PMP2: variants seen among roughly 807,000 people sequenced by gnomAD.
PMP2 encodes the protein myelin P2 protein.
Under a neutral mutation model 15.9 loss-of-function variants are expected in PMP2, and 11 were observed. The ratio of observed to expected loss-of-function variants is 0.69; its 90% CI spans 0.44 to 1.14. The LOEUF is 1.14. PMP2 is among the 50% of genes most tolerant of loss of function. The pLI is 0.00. For missense variants in PMP2, 151 were observed against 154.0 expected, an observed-to-expected ratio of 0.98 and a Z score of 0.10; for synonymous variants, 55 against 54.1, an observed-to-expected ratio of 1.02 and a Z score of -0.07.
intron 3 of PMP2, among the ~76,000 whole-genome samples, chr8:81,444,182 C>T (rs1054442014): frequency 6.6e-6 from 1 of 152,156 alleles, no homozygotes; most frequent in Non-Finnish European, 1.5e-5. Flanking sequence ...GAGTGTTTTG[C>T]TTTTAAAATT....
chr8:81,443,346 T>G lies in PMP2; in HGVS notation c.*52A>C. On this transcript the variant is annotated 3_prime_UTR_variant, in exon 4 of 4. Coordinates refer to ENST00000256103, the MANE Select transcript of PMP2 (RefSeq NM_002677.5). ...TATTCAGTTTTGTCAATGGAAGCAA[T>G]TGATTTCCATCATTAAATGATAAAA... 1 of 1,256,634 alleles carries G rather than the reference T, an allele frequency of 8.0e-7. No homozygotes were observed. Among genetic ancestry groups the G allele is most frequent in the South Asian group, 1.3e-5 (1 of 77,566 alleles). The allele number at this position is 1,256,634 out of a possible 1,614,324, so 77.8% of individuals were successfully genotyped here. A position where few individuals can be genotyped will look rare whatever the true frequency, so the allele number is the denominator to read the frequency against.
Position 81,440,738 on chromosome 8 carries a change from T to C in PMP2, c.*2660A>G, listed in dbSNP as rs548708940. 5.3e-5 allele frequency: 8 copies of C among 152,242 alleles called. No individual in the cohort carries two copies. The highest frequency in any genetic ancestry group is 1.2e-4 in the Non-Finnish European group (8 of 68,046). 9.4% of individuals were successfully genotyped at this position (152,242 alleles called of 1,614,324 possible). ...GTTAAATGTTACCTTATTTGCCTTA[T>C]CAATTGCTCTCTTTATGTATGTTTG... is the stretch of plus-strand genomic sequence containing the variant. On this transcript the variant is annotated 3_prime_UTR_variant, in exon 4 of 4. Coordinates refer to ENST00000256103, the MANE Select transcript of PMP2 (RefSeq NM_002677.5).
chr8:81,445,969 C>G (rs1807443056), intron 1 of PMP2, among the ~76,000 whole-genome samples: 2 of 151,212 alleles, frequency 1.3e-5, no homozygotes, highest in Admixed American at 1.3e-4. Flanking sequence ...CCATTATTAC[C>G]AAGACTATAA....
At chr8:81,444,627 A>T (rs753916388) in intron 2 of PMP2, 26 bp from the exon 3 acceptor site, 1 of 1,576,774 alleles carries the variant, frequency 6.3e-7, no homozygotes, top group South Asian at 1.1e-5. Flanking sequence ...CATGCAATTG[A>T]CTTGCCTGAA....
intron 1 of PMP2, 118 bp downstream of exon 1, chr8:81,447,196 G>A (rs1309854651): frequency 2.9e-6 from 2 of 697,034 alleles, no homozygotes; most frequent in Non-Finnish European, 5.3e-6. Context: ...TCCTAAAAGA[G>A]GATTGTACTG....
chr8:81,444,182 C>G (rs1054442014), intron 3 of PMP2, among the ~76,000 whole-genome samples: 1 of 152,156 alleles, frequency 6.6e-6, no homozygotes, highest in Non-Finnish European at 1.5e-5. Context: ...GAGTGTTTTG[C>G]TTTTAAAATT....
intron 2 of PMP2, 54 bp downstream of exon 2, chr8:81,444,763 C>T: frequency 6.6e-7 from 1 of 1,520,434 alleles, no homozygotes. Flanking sequence ...AGGAATATTC[C>T]TCTCTCTCAA....
Position 81,445,555 on chromosome 8 carries a change from C to T in PMP2, c.74-566G>A, listed in dbSNP as rs977753670. ...GCAGATTTTCAAGAGTAAAAGTTTC[C>T]AGCTGAAATAGCTACTGCAAGTCAT... On this transcript the variant is annotated intron_variant, in intron 1 of 3. Coordinates refer to ENST00000256103, the MANE Select transcript of PMP2 (RefSeq NM_002677.5). 7.9e-5 allele frequency among the ~76,000 whole-genome samples: 12 copies of T among 152,150 alleles called. No individual in the cohort carries two copies. The East Asian group carries it at 1.7e-3, about 22-fold the overall frequency.
intron 3 of PMP2, among the ~76,000 whole-genome samples, chr8:81,444,282 G>A (rs1807405339): frequency 6.6e-6 from 1 of 151,936 alleles, no homozygotes; most frequent in Admixed American, 6.6e-5. Context: ...ATTTTTATTT[G>A]TAAAATAACA....
At position 81,442,636 on chromosome 8, in the gene PMP2, A is replaced by G. The variant is rs911243409; in HGVS notation, c.*762T>C. ...AACAGAAAAGAATGCATGATGTACA[A>G]TTCCCTTCATATGAGCAGGTAAAAT... On this transcript the variant is annotated 3_prime_UTR_variant, in exon 4 of 4. Coordinates refer to ENST00000256103, the MANE Select transcript of PMP2 (RefSeq NM_002677.5). 8 of 152,304 alleles carry G rather than the reference A, an allele frequency of 5.3e-5. No individual in the cohort carries two copies. Among genetic ancestry groups the G allele is most frequent in the African/African-American group, 1.9e-4 (8 of 41,464 alleles). The allele number at this position is 152,304 out of a possible 1,614,324, so 9.4% of individuals were successfully genotyped here. A position where few individuals can be genotyped will look rare whatever the true frequency, so the allele number is the denominator to read the frequency against.
chr8:81,446,368 C>T (rs922291151), intron 1 of PMP2, among the ~76,000 whole-genome samples: 6 of 152,158 alleles, frequency 3.9e-5, no homozygotes, highest in Non-Finnish European at 4.4e-5. Context: ...GTCTTTAAAT[C>T]TAACCGATCT....
rs117286235 is a variant in PMP2 at position 81,444,949 on chromosome 8, T to C, written c.114A>G (p.Lys38=). The C allele has an allele frequency of 6.2e-7, 1 of 1,613,852 alleles. No homozygotes were observed. The highest frequency in any genetic ancestry group is 2.2e-5 in the East Asian group (1 of 44,880). ...CTTTCTTGCTGATGATCACAGTGGG[T>C]TTGGCCAAATTTCCCAGTTTTCTGG... ...LATRKLGNLA[K]PTVIISKKGD... The change falls in exon 2 of 4, where the codon AAA becomes AAG. Residue 38 remains lysine (K), a synonymous_variant. Coordinates refer to ENST00000256103, the MANE Select transcript of PMP2 (RefSeq NM_002677.5).
rs543677436 is a variant in PMP2 at position 81,440,547 on chromosome 8, G to A, written c.*2851C>T. 1 of 151,794 alleles carries A rather than the reference G, an allele frequency of 6.6e-6. No individual in the cohort carries two copies. Among genetic ancestry groups the A allele is most frequent in the Non-Finnish European group, 1.5e-5 (1 of 67,934 alleles). 9.4% of individuals were successfully genotyped at this position (151,794 alleles called of 1,614,324 possible). A position where few individuals can be genotyped will look rare whatever the true frequency, so the allele number is the denominator to read the frequency against. On this transcript the variant is annotated 3_prime_UTR_variant, in exon 4 of 4. Transcript: ENST00000256103. The stretch of plus-strand genomic sequence containing the variant: ...AAGAGAAGAAGTTGCCAAGTGCGGG[G>A]TTTTTTTTCAATCATGTTTGGAAAT...
chr8:81,444,263 T>C (rs1807404833), intron 3 of PMP2, among the ~76,000 whole-genome samples: 1 of 152,218 alleles, frequency 6.6e-6, no homozygotes, highest in African/African-American at 2.4e-5. Context: ...CTTACTACCA[T>C]TTTTAGGTAT....
rs554661936 is a variant in PMP2, at chr8:81,443,640, G to A, written c.349-192C>T. Among the ~76,000 whole-genome samples the A allele has an allele frequency of 3.3e-5, 5 of 152,192 alleles. No individual in the cohort carries two copies. The South Asian group carries it at 6.2e-4, about 19-fold the overall frequency. On this transcript the variant is annotated intron_variant, in intron 3 of 3. Transcript: ENST00000256103. ...AGAAACAATTTAAAAGTTGATCTACGTTGCTGTAAAGGAATTTTTTTAAGT... is the reference window on the plus strand; with the variant it reads ...AGAAACAATTTAAAAGTTGATCTACATTGCTGTAAAGGAATTTTTTTAAGT...
intron 1 of PMP2, among the ~76,000 whole-genome samples, chr8:81,446,599 T>G (rs1807453446): frequency 6.6e-6 from 1 of 152,252 alleles, no homozygotes; most frequent in Non-Finnish European, 1.5e-5. Context: ...ATATCTATTG[T>G]GTTTATATCG....
chr8:81,444,195 G>C (rs1807403669), intron 3 of PMP2, among the ~76,000 whole-genome samples: 1 of 152,130 alleles, frequency 6.6e-6, no homozygotes, highest in Non-Finnish European at 1.5e-5. Flanking sequence ...TTAAAATTTA[G>C]ACTTGCTTTC....
chr8:81,443,420 G>A lies in PMP2; in HGVS notation c.377C>T (p.Thr126Ile). 2 of 1,601,530 alleles carry A rather than the reference G, an allele frequency of 1.2e-6. No individual in the cohort carries two copies. Among genetic ancestry groups the A allele is most frequent in the Middle Eastern group, 1.7e-4 (1 of 6,030 alleles). Reference protein sequence around the residue: ...AECKMKGVVCTRIYEKV With the variant: ...AECKMKGVVCIRIYEKV ...TTTTCAGACCTTCTCATAGATTCTG[G>A]TGCACACCACGCCCTTCATTTTACA... Residue 126 changes from threonine to isoleucine, a missense_variant, in exon 4 of 4, where the codon ACC becomes ATC. By Grantham distance (89) the Thr-to-Ile change is moderately conservative (BLOSUM62 -1). Coordinates refer to ENST00000256103, the MANE Select transcript of PMP2 (RefSeq NM_002677.5).
intron 1 of PMP2, among the ~76,000 whole-genome samples, chr8:81,446,348 G>A (rs771462169): frequency 1.3e-4 from 20 of 152,208 alleles, no homozygotes; most frequent in Non-Finnish European, 2.8e-4. Flanking sequence ...TTCCTCAGCT[G>A]TAAAGTGAAG....
Sources: gnomAD v4.1 joint callset for allele counts (sites outside exome capture counted in the v4.1 genomes callset) on GRCh38, gnomAD v4.1.1 for gene constraint, MANE v1.5 for transcripts, NCBI Gene and HGNC (gene_info 2026-07-23, HGNC 2026-07-21) for gene names.